KCNAB2: variants seen among roughly 807,000 people sequenced by gnomAD.
KCNAB2 encodes voltage-gated potassium channel subunit beta-2.
In KCNAB2, 29 loss-of-function variants were observed where a neutral mutation model predicts 63.6. That is an observed-to-expected ratio of 0.46 (90% CI 0.34 to 0.62). KCNAB2 has a LOEUF of 0.62. KCNAB2 is among the 20% of genes least tolerant of loss of function. The probability of loss-of-function intolerance (pLI) is 0.01; values close to 1 mark genes in which losing one functional copy is unlikely to be tolerated. For missense variants in KCNAB2, 359 were observed against 563.9 expected, an observed-to-expected ratio of 0.64 and a Z score of 3.68; for synonymous variants, 222 against 224.2, an observed-to-expected ratio of 0.99 and a Z score of 0.09.
chr1:5,996,635 G>C (rs1378702598), intron 1 of KCNAB2, among the ~76,000 whole-genome samples: 2 of 152,264 alleles, frequency 1.3e-5, no homozygotes, highest in African/African-American at 2.4e-5. Context: ...GGTACCCACA[G>C]AGCTAACTGC....
rs1246694676 is a variant in KCNAB2 at position 6,024,377 on chromosome 1, C to T, written c.-52-16140C>T. Among the ~76,000 whole-genome samples, 3 of 152,224 alleles carry T rather than the reference C, an allele frequency of 2.0e-5. No homozygotes were observed. The highest frequency in any genetic ancestry group is 1.5e-5 in the Non-Finnish European group (1 of 68,038). On this transcript the variant is annotated intron_variant, in intron 1 of 16. Coordinates refer to the KCNAB2 transcript ENST00000341524. This position sits in a 1 kb window ranked among gnomAD's most constrained non-coding sequence, Gnocchi z 5.4. ...TGGGTTACAGGTGTGAGCCACCGCACCCAGCCAGTAGTGTCTTTTAAATGA... is the reference window on the plus strand; with the variant it reads ...TGGGTTACAGGTGTGAGCCACCGCATCCAGCCAGTAGTGTCTTTTAAATGA...
At chr1:6,080,273 G>T (rs1309234124) in intron 4 of KCNAB2, among the ~76,000 whole-genome samples, 1 of 152,196 alleles carries the variant, frequency 6.6e-6, no homozygotes, top group Non-Finnish European at 1.5e-5. Flanking sequence ...GTGAGCAGGT[G>T]AACAAGCCAC....
chr1:6,077,676 T>G (rs1663789025), intron 4 of KCNAB2, among the ~76,000 whole-genome samples: 1 of 152,106 alleles, frequency 6.6e-6, no homozygotes. Flanking sequence ...AGCCCTTTGT[T>G]CTTAGTCTAT....
intron 2 of KCNAB2, among the ~76,000 whole-genome samples, chr1:6,056,546 G>A (rs773831584): frequency 9.2e-5 from 14 of 152,132 alleles, no homozygotes; most frequent in Non-Finnish European, 1.5e-4. Flanking sequence ...CTGTGGCCGG[G>A]CCCACACTGT....
At chr1:6,018,252 T>C (rs553040691) in intron 1 of KCNAB2, among the ~76,000 whole-genome samples, 2 of 152,264 alleles carry the variant, frequency 1.3e-5, no homozygotes, top group African/African-American at 4.8e-5. Flanking sequence ...AATGTTTTCA[T>C]AGAGGACCAG....
intron 2 of KCNAB2, among the ~76,000 whole-genome samples, chr1:6,055,846 T>G (rs1310818412): frequency 6.6e-6 from 1 of 152,192 alleles, no homozygotes; most frequent in African/African-American, 2.4e-5. Context: ...ATAAATTTAT[T>G]CTGTGCTTAC....
At chr1:6,014,012 TCA>T (rs775891015) in intron 1 of KCNAB2, among the ~76,000 whole-genome samples, 3 of 152,210 alleles carry the variant, frequency 2.0e-5, no homozygotes, top group Non-Finnish European at 2.9e-5. Context: ...TCTCCAAGCC[TCA>T]GTTTTCTCAG....
At position 6,094,251 on chromosome 1, in the gene KCNAB2, CT is replaced by C. The variant is rs1665430106; in HGVS notation, c.647-147del. 6 of 609,846 alleles carry C rather than the reference CT, an allele frequency of 9.8e-6. No individual in the cohort carries two copies. The South Asian group carries it at 1.2e-4, about 12-fold the overall frequency. The allele number at this position is 609,846 out of a possible 1,614,324, so 37.8% of individuals were successfully genotyped here. A position where few individuals can be genotyped will look rare whatever the true frequency, so the allele number is the denominator to read the frequency against. On this transcript the variant is annotated intron_variant, in intron 10 of 15. Coordinates refer to ENST00000378083, the MANE Select transcript of KCNAB2 (RefSeq NM_001199862.2). ...CCCAAAAAACCCCTCCCACACCCAA[CT>C]TCAGAGCCAGGAAGTACACTGCTTG... is the stretch of plus-strand genomic sequence containing the variant.
intron 1 of KCNAB2, among the ~76,000 whole-genome samples, chr1:6,029,150 G>A (rs552596257): frequency 2.2e-3 from 330 of 152,254 alleles, no homozygotes; most frequent in African/African-American, 7.2e-3. Context: ...AGGCATGGCA[G>A]CGTGTGCCTG....
intron 2 of KCNAB2, among the ~76,000 whole-genome samples, chr1:6,054,368 G>A (rs980569122): frequency 9.2e-5 from 14 of 152,344 alleles, no homozygotes; most frequent in Admixed American, 8.5e-4. Flanking sequence ...GGTGGCTCAC[G>A]CCTGTAATCC....
At chr1:6,068,137 GT>G (rs1316691875) in intron 2 of KCNAB2, among the ~76,000 whole-genome samples, 2 of 152,246 alleles carry the variant, frequency 1.3e-5, no homozygotes, top group Non-Finnish European at 2.9e-5. Context: ...TCTCAAAGGA[GT>G]TAAAAGCGGG....
At chr1:6,040,620 A>T in exon 2 of KCNAB2, 1 of 1,614,028 alleles carries the variant, frequency 6.2e-7, no homozygotes, top group Non-Finnish European at 8.5e-7. Context: ...GCTGCGGCAG[A>T]CGGGCTCCCC....
intron 2 of KCNAB2, among the ~76,000 whole-genome samples, chr1:6,058,366 G>T (rs563301883): frequency 6.6e-6 from 1 of 152,158 alleles, no homozygotes; most frequent in Non-Finnish European, 1.5e-5. Flanking sequence ...GAGCCTGCGG[G>T]GACATCCCTG....
chr1:6,011,245 T>G (rs1204391574), intron 1 of KCNAB2, among the ~76,000 whole-genome samples: 2 of 151,708 alleles, frequency 1.3e-5, no homozygotes, highest in East Asian at 3.9e-4. Flanking sequence ...CAGGGCCAAG[T>G]GTGCAGGAGG....
chr1:6,055,830 T>C (rs1661775695), intron 2 of KCNAB2, among the ~76,000 whole-genome samples: 1 of 152,176 alleles, frequency 6.6e-6, no homozygotes, highest in Admixed American at 6.5e-5. Flanking sequence ...TTATTAAAGA[T>C]CCCAGATAAA....
At chr1:6,033,522 G>A (rs988428545), upstream of KCNAB2, among the ~76,000 whole-genome samples, 8 of 152,168 alleles carry the variant, frequency 5.3e-5, no homozygotes, top group Admixed American at 1.3e-4. Context: ...TGTGGAGAGA[G>A]GAAAAGGGGA....
intron 2 of KCNAB2, among the ~76,000 whole-genome samples, chr1:6,065,434 C>A (rs1662664284): frequency 6.6e-6 from 1 of 152,238 alleles, no homozygotes; most frequent in South Asian, 2.1e-4. Flanking sequence ...CAGCCGCCCA[C>A]AGCGCGCAGA....
intron 2 of KCNAB2, among the ~76,000 whole-genome samples, chr1:6,056,660 G>A (rs1258735544): frequency 1.3e-5 from 2 of 152,224 alleles, no homozygotes; most frequent in African/African-American, 4.8e-5. Flanking sequence ...GCCCTAGCCT[G>A]CCTCCTTGGT....
rs182746378 is a variant in KCNAB2, at chr1:6,005,395, G to A, written c.-53+12607G>A. On this transcript the variant is annotated intron_variant, in intron 1 of 16. Coordinates refer to the KCNAB2 transcript ENST00000341524. Reference sequence around the variant, plus strand: ...AGTGAGGGTGAACTGGGGGATGTGGGAGCTGAGCTGAGGGGTGGGGGTGGA... The same window carrying A: ...AGTGAGGGTGAACTGGGGGATGTGGAAGCTGAGCTGAGGGGTGGGGGTGGA... Among the ~76,000 whole-genome samples, 2 of 95,140 alleles carry A rather than the reference G, an allele frequency of 2.1e-5. 1 individual carries two copies. Among genetic ancestry groups the A allele is most frequent in the Non-Finnish European group, 4.1e-5 (2 of 48,352 alleles). The allele number at this position is 95,140 out of a possible 152,430, so 62.4% of individuals were successfully genotyped here. A position where few individuals can be genotyped will look rare whatever the true frequency, so the allele number is the denominator to read the frequency against.
Sources: allele counts gnomAD v4.1 joint callset (sites outside exome capture counted in the v4.1 genomes callset), GRCh38; gene constraint gnomAD v4.1.1; non-coding constraint Gnocchi (gnomAD v3.1); transcripts MANE v1.5; gene names NCBI Gene and HGNC (gene_info 2026-07-23, HGNC 2026-07-21).